Variants in HDHD2 observed in about 807,000 individuals in gnomAD.
The protein encoded by HDHD2 is haloacid dehalogenase-like hydrolase domain-containing protein 2.
In HDHD2, 26 loss-of-function variants were observed where a neutral mutation model predicts 24.8. The observed-to-expected ratio is 1.05, with a 90% CI of 0.77 to 1.45. HDHD2 has a LOEUF of 1.45. HDHD2 is among the 40% of genes most tolerant of loss of function. The pLI, the probability that HDHD2 is intolerant of heterozygous loss-of-function variation, is 0.00. For missense variants in HDHD2, 299 were observed against 313.4 expected (o/e 0.95, Z 0.35); for synonymous variants, 128 against 114.9 (o/e 1.11, Z -0.73).
intron 6 of HDHD2, chr18:47,110,721 T>G (rs1316739341): frequency 1.0e-6 from 1 of 985,300 alleles, no homozygotes; most frequent in Non-Finnish European, 1.2e-6. Context: ...TGCAGCAGCC[T>G]GTGCTTTCAT....
At chr18:47,127,364 T>C (rs921230904) in intron 4 of HDHD2, among the ~76,000 whole-genome samples, 1 of 152,196 alleles carries the variant, frequency 6.6e-6, no homozygotes, top group African/African-American at 2.4e-5. Context: ...TGTAAACATG[T>C]ATGTGTATAG....
Position 47,112,973 on chromosome 18 carries a change from A to C in HDHD2, c.676+4T>G, listed in dbSNP as rs758793422. 3 of 1,610,830 alleles carry C rather than the reference A, an allele frequency of 1.9e-6. No individual in the cohort carries two copies. In the Admixed American group the frequency reaches 5.0e-5, roughly 27 times the overall value. On this transcript the variant is annotated splice_donor_region_variant and intron_variant, in intron 6 of 6. Transcript: ENST00000300605. ...AGAAAATGCTTTATACAGAAGATAC[A>C]TACCAGTCTTTACTAAGATGCCCAG...
At chr18:47,125,509 A>T (rs2063650056) in intron 4 of HDHD2, among the ~76,000 whole-genome samples, 1 of 152,220 alleles carries the variant, frequency 6.6e-6, no homozygotes, top group Non-Finnish European at 1.5e-5. Context: ...CAGCAGAATG[A>T]ATAAATAAAT....
chr18:47,113,036 C>A lies in HDHD2; in HGVS notation c.617G>T (p.Cys206Phe). 2.5e-6 allele frequency: 4 copies of A among 1,613,992 alleles called. No individual in the cohort carries two copies. Among genetic ancestry groups the A allele is most frequent in the Non-Finnish European group, 3.4e-6 (4 of 1,179,896 alleles). The change falls in exon 6 of 7, where the codon TGC (cysteine) becomes TTC (phenylalanine). Residue 206 changes from cysteine (C) to phenylalanine (F), a missense_variant. By Grantham distance (205) the Cys-to-Phe change is radical (BLOSUM62 -2). Transcript: ENST00000300605. ...TTGAGCCCCACCAACATCATCCCTGCAATCCTAGAAAAGCATAAAGAAAGC... is the reference window on the plus strand; with the variant it reads ...TTGAGCCCCACCAACATCATCCCTGAAATCCTAGAAAAGCATAAAGAAAGC... ...PEEAVMIGDD[C>F]RDDVGGAQDV...
chr18:47,127,433 G>A (rs1381329747), intron 4 of HDHD2, among the ~76,000 whole-genome samples: 3 of 152,080 alleles, frequency 2.0e-5, no homozygotes, highest in Admixed American at 6.5e-5. Flanking sequence ...AGGTGGCAGC[G>A]TTACAGGTAA....
In HDHD2 at chr18:47,149,465, C is replaced by T. The variant is rs184854242; in HGVS notation, c.-11+913G>A. On this transcript the variant is annotated intron_variant, in intron 1 of 6. Coordinates refer to ENST00000300605, the MANE Select transcript of HDHD2 (RefSeq NM_032124.5). ...CCAGTTAAAACTCTTCCAGTGACTC[C>T]CCGCTGACCTCTGGATAAAGTCTGA... 2.0e-3 allele frequency among the ~76,000 whole-genome samples: 309 copies of T among 152,176 alleles called. 1 individual carries two copies. Among genetic ancestry groups the T allele is most frequent in the Middle Eastern group, 3.4e-3 (1 of 294 alleles).
intron 1 of HDHD2, among the ~76,000 whole-genome samples, chr18:47,141,378 T>C (rs1169634237): frequency 6.6e-6 from 1 of 152,250 alleles, no homozygotes. Context: ...AGAAGGCTAG[T>C]TTAATAAATT....
intron 4 of HDHD2, among the ~76,000 whole-genome samples, chr18:47,120,805 C>T (rs1051373949): frequency 1.3e-4 from 20 of 152,090 alleles, no homozygotes; most frequent in African/African-American, 4.8e-4. Context: ...ATCATTGTGT[C>T]TCAGGGAATA....
Position 47,115,265 on chromosome 18 carries a change from C to A in HDHD2, c.479G>T (p.Gly160Val). The change falls in exon 5 of 7, where the codon GGA becomes GTA. Residue 160 changes from glycine (G) to valine (V), a missense_variant. Gly to Val is a moderately radical substitution (Grantham distance 109). Transcript: ENST00000300605. ...KRKDGLALGPGPFVTALEYAT... is the reference protein window; with the variant it reads ...KRKDGLALGPVPFVTALEYAT... The stretch of plus-strand genomic sequence containing the variant: ...ATACTCTAAAGCAGTCACAAATGGT[C>A]CAGGCCCCAGGGCTAAGCCATCTTT... 1 of 1,614,012 alleles carries A rather than the reference C, an allele frequency of 6.2e-7. No homozygotes were observed. The highest frequency in any genetic ancestry group is 1.1e-5 in the South Asian group (1 of 91,054).
intron 4 of HDHD2, among the ~76,000 whole-genome samples, chr18:47,128,258 T>A (rs996627633): frequency 3.3e-5 from 5 of 152,224 alleles, no homozygotes; most frequent in African/African-American, 1.2e-4. Context: ...TCCCTGAGTC[T>A]AGTATTCATT....
intron 1 of HDHD2, among the ~76,000 whole-genome samples, chr18:47,141,189 TA>T (rs2144378373): frequency 1.3e-5 from 2 of 152,356 alleles, no homozygotes; most frequent in South Asian, 4.1e-4. Flanking sequence ...GGATTTTACC[TA>T]CTACTTTTTC....
chr18:47,125,432 T>C (rs2063649338), intron 4 of HDHD2, among the ~76,000 whole-genome samples: 1 of 151,948 alleles, frequency 6.6e-6, no homozygotes, highest in Non-Finnish European at 1.5e-5. Flanking sequence ...CCAAAAGACA[T>C]ATACAAGAAT....
intron 5 of HDHD2, among the ~76,000 whole-genome samples, chr18:47,114,265 C>T (rs2063539168): frequency 6.6e-6 from 1 of 152,144 alleles, no homozygotes; most frequent in African/African-American, 2.4e-5. Context: ...CACATTTCCA[C>T]CATCACAAGT....
chr18:47,135,258 C>CTTTTT (rs904719955), intron 2 of HDHD2, among the ~76,000 whole-genome samples: 19 of 128,346 alleles, frequency 1.5e-4, no homozygotes, highest in East Asian at 2.3e-4. Context: ...TAGATTTTTT[C>CTTTTT]TTTTTTTTTT....
intron 4 of HDHD2, among the ~76,000 whole-genome samples, chr18:47,116,097 C>G (rs2063556461): frequency 6.6e-6 from 1 of 152,130 alleles, no homozygotes; most frequent in Non-Finnish European, 1.5e-5. Flanking sequence ...TCATTAGTAA[C>G]TCAGGCAAAA....
chr18:47,139,087 A>G (rs2063795128), intron 1 of HDHD2, among the ~76,000 whole-genome samples: 1 of 152,164 alleles, frequency 6.6e-6, no homozygotes, highest in Non-Finnish European at 1.5e-5. Flanking sequence ...CCATGGGGAC[A>G]GAAGCTCTCA....
chr18:47,136,477 TAC>T (rs2063767441), intron 1 of HDHD2, 28 bp from the exon 2 acceptor site: 1 of 1,596,684 alleles, frequency 6.3e-7, no homozygotes, highest in Non-Finnish European at 8.5e-7. Context: ...AAATTAAAAA[TAC>T]AGTTTAGGAA....
At chr18:47,120,964 A>G (rs1475561431) in intron 4 of HDHD2, among the ~76,000 whole-genome samples, 1 of 152,198 alleles carries the variant, frequency 6.6e-6, no homozygotes, top group Non-Finnish European at 1.5e-5. Context: ...ACTGATCACC[A>G]CAACACATAA....
intron 4 of HDHD2, among the ~76,000 whole-genome samples, chr18:47,125,177 CA>C (rs1009824130): frequency 2.0e-5 from 3 of 149,812 alleles, no homozygotes; most frequent in Non-Finnish European, 4.5e-5. Flanking sequence ...AAAATAACAA[CA>C]AAAAAAAACC....
Sources: allele counts gnomAD v4.1 joint callset (sites outside exome capture counted in the v4.1 genomes callset), GRCh38; gene constraint gnomAD v4.1.1; transcripts MANE v1.5; gene names NCBI Gene and HGNC (gene_info 2026-07-23, HGNC 2026-07-21).